Variants in GPHN observed in about 807,000 individuals in gnomAD.
The protein encoded by GPHN is gephyrin.
Under a neutral mutation model 95.5 loss-of-function variants are expected in GPHN, and 17 were observed. The ratio of observed to expected loss-of-function variants is 0.18; its 90% CI spans 0.12 to 0.27. GPHN has a LOEUF of 0.27. Among genes scored for constraint, GPHN ranks in the 10% least tolerant of loss-of-function variants. GPHN has a pLI of 1.00. For synonymous variants in GPHN, 320 were observed against 322.5 expected (o/e 0.99, Z 0.08); for missense variants, 660 against 978.1 (o/e 0.67, Z 4.34).
intron 9 of GPHN, among the ~76,000 whole-genome samples, chr14:66,981,877 A>G (rs979099067): frequency 3.3e-5 from 5 of 152,198 alleles, no homozygotes; most frequent in Non-Finnish European, 5.9e-5. Context: ...CTGTACTTTC[A>G]TATTATTTAT....
chr14:66,586,932 A>G (rs757657571), intron 1 of GPHN, among the ~76,000 whole-genome samples: 1 of 152,182 alleles, frequency 6.6e-6, no homozygotes, highest in Non-Finnish European at 1.5e-5. Flanking sequence ...TAGAGACTGT[A>G]AAACAATAGG....
chr14:67,573,497 G>T, the GPHN span: 11 of 767,470 alleles, frequency 1.4e-5, 1 homozygote, highest in South Asian at 1.9e-4. The surrounding 1 kb of genome is among the most constrained non-coding windows in gnomAD (Gnocchi z 4.8). Flanking sequence ...GAGGGCAAAG[G>T]TCTGGCAGGT....
At chr14:67,489,805 A>G in the GPHN span, among the ~76,000 whole-genome samples, 2 of 152,214 alleles carry the variant, frequency 1.3e-5, no homozygotes, top group African/African-American at 2.4e-5. Flanking sequence ...CCTGGCTAAC[A>G]TGGTGAAACC....
At chr14:67,276,555 T>C in the GPHN span, among the ~76,000 whole-genome samples, 1 of 152,216 alleles carries the variant, frequency 6.6e-6, no homozygotes, top group African/African-American at 2.4e-5. Context: ...TCTTATGATA[T>C]GTATTAGGCT....
the GPHN span, chr14:67,382,728 G>C: frequency 1.0e-6 from 1 of 958,032 alleles, no homozygotes; most frequent in Admixed American, 2.1e-5. Flanking sequence ...AATGGTGTTA[G>C]GGTCACCCCC....
At chr14:67,325,502 C>G in the GPHN span, among the ~76,000 whole-genome samples, 1,606 of 152,138 alleles carry the variant, frequency 0.011, 27 homozygotes, top group African/African-American at 0.036. Context: ...TGGGATGATA[C>G]AAAGGAAATA....
chr14:66,690,012 T>A (rs1323358160), intron 2 of GPHN, among the ~76,000 whole-genome samples: 1 of 151,908 alleles, frequency 6.6e-6, no homozygotes, highest in Non-Finnish European at 1.5e-5. Context: ...ACTTTTTGAC[T>A]TTTTTTATAT....
chr14:67,307,781 AT>A, the GPHN span, among the ~76,000 whole-genome samples: 2 of 152,216 alleles, frequency 1.3e-5, no homozygotes, highest in African/African-American at 4.8e-5. Flanking sequence ...AGATACAGAA[AT>A]AAAAATTACA....
chr14:67,358,362 T>G, the GPHN span, among the ~76,000 whole-genome samples: 1 of 152,146 alleles, frequency 6.6e-6, no homozygotes, highest in Non-Finnish European at 1.5e-5. Context: ...AGCTATTTAG[T>G]CACCGGGCAG....
chr14:66,584,860 G>T (rs1018624767), intron 1 of GPHN, among the ~76,000 whole-genome samples: 1 of 152,036 alleles, frequency 6.6e-6, no homozygotes, highest in African/African-American at 2.4e-5. Flanking sequence ...TTTTTTGGTT[G>T]TGTCTCTGCC....
chr14:67,112,108 A>T (rs1001417948), intron 15 of GPHN, among the ~76,000 whole-genome samples, 189 bp downstream of exon 15: 2 of 152,190 alleles, frequency 1.3e-5, no homozygotes, highest in African/African-American at 4.8e-5. Flanking sequence ...TTTAATGAAG[A>T]TGGTAAAGGC....
At chr14:67,146,164 A>G (rs2080885355) in intron 18 of GPHN, among the ~76,000 whole-genome samples, 1 of 152,200 alleles carries the variant, frequency 6.6e-6, no homozygotes, top group African/African-American at 2.4e-5. Context: ...CATCCCTTCT[A>G]AAGTCTGACC....
At chr14:66,712,498 G>A (rs951354056) in intron 2 of GPHN, among the ~76,000 whole-genome samples, 3 of 151,840 alleles carry the variant, frequency 2.0e-5, no homozygotes, top group Non-Finnish European at 2.9e-5. Flanking sequence ...TTGTCAGATG[G>A]GTAGATTGCA....
At chr14:66,581,995 G>A (rs538583710) in intron 1 of GPHN, among the ~76,000 whole-genome samples, 4 of 152,056 alleles carry the variant, frequency 2.6e-5, no homozygotes, top group South Asian at 4.2e-4. Flanking sequence ...GACAAAAAAT[G>A]ATATAGAACT....
the GPHN span, among the ~76,000 whole-genome samples, chr14:67,666,584 C>G: frequency 6.6e-6 from 1 of 152,142 alleles, no homozygotes; most frequent in South Asian, 2.1e-4. Flanking sequence ...TGATCTCTAC[C>G]CAACTGAGAG....
At chr14:67,179,147 G>C (rs1386665726) in intron 21 of GPHN, among the ~76,000 whole-genome samples, 2 of 152,154 alleles carry the variant, frequency 1.3e-5, no homozygotes, top group Non-Finnish European at 2.9e-5. Context: ...CACTCTGGGA[G>C]GCCCAGGTGG....
At chr14:66,575,277 G>A (rs889484350) in intron 1 of GPHN, among the ~76,000 whole-genome samples, 2 of 152,006 alleles carry the variant, frequency 1.3e-5, no homozygotes, top group African/African-American at 2.4e-5. Context: ...CCTAGCCTGC[G>A]AGGTTTCTGC....
intron 1 of GPHN, among the ~76,000 whole-genome samples, chr14:66,680,705 C>G (rs1233610430): frequency 6.6e-6 from 1 of 152,132 alleles, no homozygotes; most frequent in Non-Finnish European, 1.5e-5. Context: ...TTTCTCCTTT[C>G]TATTTCCCTT....
the GPHN span, among the ~76,000 whole-genome samples, chr14:67,652,024 C>A: frequency 6.6e-6 from 1 of 152,188 alleles, no homozygotes; most frequent in Non-Finnish European, 1.5e-5. Flanking sequence ...CTAGGTTTCT[C>A]CCTAGTCCAC....
Sources: gnomAD v4.1 joint callset for allele counts (sites outside exome capture counted in the v4.1 genomes callset) on GRCh38, gnomAD v4.1.1 for gene constraint, Gnocchi (gnomAD v3.1) non-coding constraint, MANE v1.5 for transcripts, NCBI Gene and HGNC (gene_info 2026-07-23, HGNC 2026-07-21) for gene names.